The following RELB variants were observed in gnomAD, a reference collection of about 807,000 sequenced individuals.
RELB encodes RELB proto-oncogene, NF-kB subunit, also known as transcription factor RelB.
A neutral mutation model predicts 55.4 loss-of-function variants in RELB; 14 were observed. That is an observed-to-expected ratio of 0.25 (90% CI 0.17 to 0.40). The LOEUF is 0.40. RELB is among the 10% of genes least tolerant of loss of function. RELB has a pLI of 1.00. For missense variants in RELB, 669 were observed against 830.7 expected (o/e 0.81, Z 2.39); for synonymous variants, 409 against 371.3 (o/e 1.10, Z -1.17).
At chr19:45,021,371 G>A (rs1971485366) in intron 4 of RELB, among the ~76,000 whole-genome samples, 1 of 142,316 alleles carries the variant, frequency 7.0e-6, no homozygotes, top group Admixed American at 7.2e-5. Flanking sequence ...CTACTCGGGA[G>A]GCTGAGGCAG....
rs1202184623 is a variant in RELB, at chr19:45,001,560, C to A, written c.-20C>A. Reference sequence around the variant, plus strand: ...CGTCCACCAGACCGTGCCTCCCGGCCGCCCGGCCGGCCCGCGTGCATGCTT... The same window carrying A: ...CGTCCACCAGACCGTGCCTCCCGGCAGCCCGGCCGGCCCGCGTGCATGCTT... On this transcript the variant is annotated 5_prime_UTR_variant, in exon 1 of 12. Coordinates refer to ENST00000221452, the MANE Select transcript of RELB (RefSeq NM_006509.4). 2 of 1,411,376 alleles carry A rather than the reference C, an allele frequency of 1.4e-6. No homozygotes were observed. Among genetic ancestry groups the A allele is most frequent in the Admixed American group, 2.7e-5 (1 of 36,508 alleles). 87.4% of individuals were successfully genotyped at this position (1,411,376 alleles called of 1,614,324 possible).
At chr19:45,008,428 C>T (rs1274926830) in intron 2 of RELB, 1 of 456,188 alleles carries the variant, frequency 2.2e-6, no homozygotes, top group Non-Finnish European at 4.4e-6. Flanking sequence ...CTGGAGGGTC[C>T]AAAGTCTAAC....
Position 45,036,955 on chromosome 19 carries a change from T to C in RELB, c.1355-450T>C, listed in dbSNP as rs191183256. 2.8e-3 allele frequency among the ~76,000 whole-genome samples: 427 copies of C among 152,204 alleles called. 2 individuals carry two copies. Among genetic ancestry groups the C allele is most frequent in the Non-Finnish European group, 4.3e-3 (294 of 68,010 alleles). On this transcript the variant is annotated intron_variant, in intron 11 of 11. Coordinates refer to ENST00000221452, the MANE Select transcript of RELB (RefSeq NM_006509.4). ...TTTACTTATTATCTGAGAATGGTGA[T>C]AGTCCCACACGGATTCTCCTTGGGA...
intron 11 of RELB, among the ~76,000 whole-genome samples, chr19:45,035,509 C>A (rs775842358): frequency 5.0e-4 from 76 of 150,866 alleles, no homozygotes; most frequent in Non-Finnish European, 1.0e-3. Context: ...CAGAATGAGA[C>A]CCTTCTCAAA....
At chr19:45,029,995 C>G (rs1342880389) in intron 8 of RELB, among the ~76,000 whole-genome samples, 1 of 152,086 alleles carries the variant, frequency 6.6e-6, no homozygotes, top group Non-Finnish European at 1.5e-5. Context: ...TGGTGAAACC[C>G]TGTCTCTACA....
chr19:45,023,865 C>T (rs1470195824), intron 5 of RELB, among the ~76,000 whole-genome samples: 1 of 150,206 alleles, frequency 6.7e-6, no homozygotes, highest in Non-Finnish European at 1.5e-5. Flanking sequence ...ATTCTCCTGC[C>T]TCAGCCTCCC....
chr19:45,026,583 C>A (rs1004061505), intron 7 of RELB, among the ~76,000 whole-genome samples: 1 of 152,064 alleles, frequency 6.6e-6, no homozygotes, highest in Non-Finnish European at 1.5e-5. Flanking sequence ...AAAATGGAAT[C>A]TTCTAGTGTT....
chr19:45,034,621 G>C (rs1319117968), intron 11 of RELB, 93 bp downstream of exon 11: 34 of 1,067,526 alleles, frequency 3.2e-5, no homozygotes. Context: ...CCCTCCAAGA[G>C]CAGCCACAAG....
chr19:45,007,944 C>T (rs1040927523), intron 2 of RELB, among the ~76,000 whole-genome samples: 4 of 139,228 alleles, frequency 2.9e-5, no homozygotes, highest in Middle Eastern at 4.4e-3. Context: ...ATCATGAGGT[C>T]AGGAGATCGA....
At chr19:45,022,598 A>G (rs1050173908) in intron 5 of RELB, among the ~76,000 whole-genome samples, 1 of 141,048 alleles carries the variant, frequency 7.1e-6, no homozygotes, top group Non-Finnish European at 1.5e-5. Flanking sequence ...CCCAAGCTGG[A>G]GTGCAATGGT....
intron 4 of RELB, among the ~76,000 whole-genome samples, chr19:45,018,683 T>A (rs1031586204): frequency 5.9e-5 from 9 of 151,654 alleles, no homozygotes; most frequent in East Asian, 1.9e-4. Flanking sequence ...TATTTTTTTT[T>A]AATTTTTTTT....
intron 1 of RELB, among the ~76,000 whole-genome samples, chr19:45,002,132 G>C (rs1971219839): frequency 8.3e-6 from 1 of 119,948 alleles, no homozygotes; most frequent in Admixed American, 8.8e-5. Flanking sequence ...GTGAGGGCAG[G>C]AAGGGGGCGG....
rs766811201 is a variant in RELB, at chr19:45,022,179, C to A, written c.631C>A (p.Arg211=). 3.0e-5 allele frequency: 49 copies of A among 1,608,350 alleles called. No homozygotes were observed. Among genetic ancestry groups the A allele is most frequent in the Non-Finnish European group, 4.0e-5 (47 of 1,178,620 alleles). Residue 211 remains arginine (R), a synonymous_variant, in exon 5 of 12, where the codon CGG becomes AGG. Coordinates refer to ENST00000221452, the MANE Select transcript of RELB (RefSeq NM_006509.4). ...CTGCACCGACGGCATCTGCAGGGTG[C>A]GGCTCCGGCCTCACGTCAGCCCCCG... is the stretch of plus-strand genomic sequence containing the variant. ...KDCTDGICRV[R]LRPHVSPRHS...
Position 45,012,143 on chromosome 19 carries a change from A to G in RELB, c.371A>G (p.Gln124Arg). The G allele has an allele frequency of 6.4e-7, 1 of 1,560,696 alleles. No homozygotes were observed. Among genetic ancestry groups the G allele is most frequent in the South Asian group, 1.2e-5 (1 of 85,120 alleles). ...TCCCCAGCGCCGGGCCCGGGCCCGC[A>G]GCCGCACCTGGTCATCACGGAGCAG... ...LVSPAPGPGP[Q>R]PHLVITEQPK... Residue 124 changes from glutamine to arginine, a missense_variant, in exon 4 of 12, where the codon CAG (glutamine) becomes CGG (arginine). Around this residue, in one of 3 missense-constraint regions of RELB, gnomAD observed 323 missense variants for 368.5 expected, o/e 0.88. Coordinates refer to ENST00000221452, the MANE Select transcript of RELB (RefSeq NM_006509.4).
chr19:45,021,764 T>TGG (rs1971491618), intron 4 of RELB: 7 of 280,100 alleles, frequency 2.5e-5, no homozygotes, highest in Admixed American at 1.0e-4. Flanking sequence ...CAGTAGAGAC[T>TGG]GGGTTTCACC....
chr19:45,033,932 A>T (rs1326406747), intron 9 of RELB, among the ~76,000 whole-genome samples: 1 of 151,908 alleles, frequency 6.6e-6, no homozygotes, highest in African/African-American at 2.4e-5. Flanking sequence ...AGGCAGGCAG[A>T]TCACTTGAGG....
At chr19:45,011,202 G>C (rs560499602) in intron 3 of RELB, among the ~76,000 whole-genome samples, 38 of 151,300 alleles carry the variant, frequency 2.5e-4, no homozygotes, top group African/African-American at 8.0e-4. Flanking sequence ...TTGCTCTGTT[G>C]CGCAGGATGG....
intron 2 of RELB, among the ~76,000 whole-genome samples, chr19:45,005,139 C>G (rs1396783439): frequency 6.6e-6 from 1 of 152,122 alleles, no homozygotes; most frequent in East Asian, 1.9e-4. Context: ...CCACTGCACT[C>G]CAGCCTGGGT....
At chr19:45,034,348 A>T (rs2122494739) in intron 10 of RELB, 36 bp downstream of exon 10, 2 of 1,607,776 alleles carry the variant, frequency 1.2e-6, no homozygotes, top group Middle Eastern at 1.7e-4. Flanking sequence ...CCCCATCCCC[A>T]GGTTCTGGGG....
Sources: gnomAD v4.1 joint callset for allele counts (sites outside exome capture counted in the v4.1 genomes callset) on GRCh38, gnomAD v4.1.1 for gene constraint, gnomAD v4.1.1 regional missense constraint, MANE v1.5 for transcripts, NCBI Gene and HGNC (gene_info 2026-07-23, HGNC 2026-07-21) for gene names.